Variants in STAT1 observed in about 807,000 individuals in gnomAD.
The protein encoded by STAT1 is signal transducer and activator of transcription 1, also known as signal transducer and activator of transcription 1-alpha/beta.
Under a neutral mutation model 111.7 loss-of-function variants are expected in STAT1, and 24 were observed. The ratio of observed to expected loss-of-function variants is 0.21; its 90% CI spans 0.16 to 0.30. The LOEUF is 0.30. Ranked by LOEUF, STAT1 falls within the 10% of genes least tolerant of loss-of-function variation. STAT1 has a pLI of 1.00. For missense variants in STAT1, 351 were observed against 911.9 expected, an observed-to-expected ratio of 0.38 and a Z score of 7.92; for synonymous variants, 332 against 326.5, an observed-to-expected ratio of 1.02 and a Z score of -0.18.
In STAT1 at chr2:190,997,903, G is replaced by A; in HGVS notation, c.738C>T (p.Ala246=). The A allele has an allele frequency of 6.2e-7, 1 of 1,614,200 alleles. No individual in the cohort carries two copies. The highest frequency in any genetic ancestry group is 8.5e-7 in the Non-Finnish European group (1 of 1,180,038). The part of the protein sequence containing the change: ...LVEWKRRQQS[A]CIGGPPNACL... Reference sequence around the variant, plus strand: ...AAGCATTGGGCGGCCCCCCAATACAGGCGCTCTGCTGTCTCCGCTTCCACT... The same window carrying A: ...AAGCATTGGGCGGCCCCCCAATACAAGCGCTCTGCTGTCTCCGCTTCCACT... The change falls in exon 9 of 25, where the codon GCC becomes GCT. Residue 246 remains alanine, a synonymous_variant. Coordinates refer to ENST00000361099, the MANE Select transcript of STAT1 (RefSeq NM_007315.4). The surrounding 1 kb of genome is among the most constrained non-coding windows in gnomAD (Gnocchi z 7.3).
At position 191,007,421 on chromosome 2, in the gene STAT1, T is replaced by C. The variant is rs973759784; in HGVS notation, c.372+142A>G. 3.0e-6 allele frequency: 2 copies of C among 676,790 alleles called. No homozygotes were observed. The highest frequency in any genetic ancestry group is 5.1e-6 in the Non-Finnish European group (2 of 393,986). 41.9% of individuals were successfully genotyped at this position (676,790 alleles called of 1,614,324 possible). On this transcript the variant is annotated intron_variant, in intron 5 of 24. Coordinates refer to ENST00000361099, the MANE Select transcript of STAT1 (RefSeq NM_007315.4). This position sits in a 1 kb window ranked among gnomAD's most constrained non-coding sequence, Gnocchi z 4.2. ...TCTTAAAGCCTGGTTCTATAAAATC[T>C]CTAAATCTGATTCTCCCACTTCTTG...
chr2:191,008,857 C>G, intron 4 of STAT1, 106 bp downstream of exon 4: 1 of 1,242,192 alleles, frequency 8.1e-7, no homozygotes, highest in South Asian at 1.3e-5. Flanking sequence ...TCTATTACTT[C>G]TCTAAATACC....
intron 4 of STAT1, among the ~76,000 whole-genome samples, chr2:191,008,586 C>T (rs1694881765): frequency 6.6e-6 from 1 of 152,206 alleles, no homozygotes; most frequent in Non-Finnish European, 1.5e-5. Context: ...GGACCTGAAC[C>T]TAACCACTAA....
Position 190,996,236 on chromosome 2 carries a change from A to T in STAT1, c.786-1017T>A, listed in dbSNP as rs1693847043. Among the ~76,000 whole-genome samples the T allele has an allele frequency of 6.6e-6, 1 of 152,246 alleles. No homozygotes were observed. The highest frequency in any genetic ancestry group is 1.5e-5 in the Non-Finnish European group (1 of 68,044). On this transcript the variant is annotated intron_variant, in intron 9 of 24. Coordinates refer to ENST00000361099, the MANE Select transcript of STAT1 (RefSeq NM_007315.4). The surrounding 1 kb of genome is among the most constrained non-coding windows in gnomAD (Gnocchi z 4.5). The stretch of plus-strand genomic sequence containing the variant: ...TGCAGTCAACTGCTAACAGCAACAC[A>T]GGCTGGGGAAACGCTGTTTTATTCA...
At position 190,993,410 on chromosome 2, in the gene STAT1, A is replaced by C. The variant is rs1693550539; in HGVS notation, c.944+1651T>G. ...CTTGATTGTTTTCCCGTCTAACTCT[A>C]TAGTTCTTATTTTGAAATCCATACC... On this transcript the variant is annotated intron_variant, in intron 10 of 24. Transcript: ENST00000361099. The surrounding 1 kb of genome is among the most constrained non-coding windows in gnomAD (Gnocchi z 4.1). 1.4e-6 allele frequency: 2 copies of C among 1,393,010 alleles called. No homozygotes were observed. Among genetic ancestry groups the C allele is most frequent in the East Asian group, 4.8e-5 (2 of 42,044 alleles). 86.3% of individuals were successfully genotyped at this position (1,393,010 alleles called of 1,614,324 possible). A position where few individuals can be genotyped will look rare whatever the true frequency, so the allele number is the denominator to read the frequency against.
At position 190,978,481 on chromosome 2, in the gene STAT1, C is replaced by A. The variant is rs1006333278; in HGVS notation, c.1873+375G>T. The A allele has an allele frequency of 2.1e-5, 7 of 331,200 alleles. No homozygotes were observed. The highest frequency in any genetic ancestry group is 5.1e-5 in the South Asian group (2 of 38,860). The allele number at this position is 331,200 out of a possible 1,614,324, so 20.5% of individuals were successfully genotyped here. A position where few individuals can be genotyped will look rare whatever the true frequency, so the allele number is the denominator to read the frequency against. ...AGTCTTCTCCCGAAGCCTGTCTCAT[C>A]TGCACACTCTACTCTGGGATGACCC... On this transcript the variant is annotated intron_variant, in intron 21 of 24. Transcript: ENST00000361099. This position sits in a 1 kb window ranked among gnomAD's most constrained non-coding sequence, Gnocchi z 6.1.
chr2:190,985,300 C>A (rs1692716846), intron 15 of STAT1, among the ~76,000 whole-genome samples: 1 of 152,216 alleles, frequency 6.6e-6, no homozygotes, highest in South Asian at 2.1e-4. Flanking sequence ...TCTGTGCACC[C>A]TTAGCTAAAT....
rs2125078691 is a variant in STAT1, at chr2:191,000,894, T to A, written c.462+180A>T. The stretch of plus-strand genomic sequence containing the variant: ...CAGTTATAAGAGGCCATTCAAAAAG[T>A]CTATCTGGTCATTGATTTTGCCAAT... On this transcript the variant is annotated intron_variant, in intron 6 of 24. Coordinates refer to ENST00000361099, the MANE Select transcript of STAT1 (RefSeq NM_007315.4). The surrounding 1 kb of genome is among the most constrained non-coding windows in gnomAD (Gnocchi z 4.8). 6.6e-6 allele frequency among the ~76,000 whole-genome samples: 1 copy of A among 152,350 alleles called. No homozygotes were observed. The highest frequency in any genetic ancestry group is 1.9e-4 in the East Asian group (1 of 5,194).
At position 190,977,357 on chromosome 2, in the gene STAT1, A is replaced by G. The variant is rs753809984; in HGVS notation, c.1874-332T>C. On this transcript the variant is annotated intron_variant, in intron 21 of 24. Transcript: ENST00000361099. This position sits in a 1 kb window ranked among gnomAD's most constrained non-coding sequence, Gnocchi z 4.7. The stretch of plus-strand genomic sequence containing the variant: ...CCCATAGGCACATAAATAACTTACT[A>G]CTAAGTGGATCATCTTGGCTTAAGC... Among the ~76,000 whole-genome samples, 1 of 152,244 alleles carries G rather than the reference A, an allele frequency of 6.6e-6. No individual in the cohort carries two copies. The highest frequency in any genetic ancestry group is 2.4e-5 in the African/African-American group (1 of 41,476).
chr2:190,980,732 G>A lies in STAT1; in HGVS notation c.1583-63C>T, dbSNP rs45609138. The A allele has an allele frequency of 8.1e-4, 1,226 of 1,511,744 alleles. 23 individuals carry two copies. The East Asian group carries it at 0.025, about 31-fold the overall frequency. The allele number at this position is 1,511,744 out of a possible 1,614,324, so 93.6% of individuals were successfully genotyped here. A position where few individuals can be genotyped will look rare whatever the true frequency, so the allele number is the denominator to read the frequency against. ...ACTGATTCTAAAGCTTTGGTTGGAC[G>A]GATGGCTCTTGTATTTGCTCTCAAG... On this transcript the variant is annotated intron_variant, in intron 18 of 24. Transcript: ENST00000361099. This position sits in a 1 kb window ranked among gnomAD's most constrained non-coding sequence, Gnocchi z 6.1.
rs764818647 is a variant in STAT1 at position 190,991,330 on chromosome 2, C to T, written c.945-10G>A. The stretch of plus-strand genomic sequence containing the variant: ...TTCCACCACAAACGAGCTGCAAATA[C>T]CCAGCAAAGGATAGATAAGTTAGCA... On this transcript the variant is annotated splice_polypyrimidine_tract_variant and intron_variant, in intron 10 of 24. Transcript: ENST00000361099. The T allele has an allele frequency of 6.1e-5, 99 of 1,613,564 alleles. No individual in the cohort carries two copies. Among genetic ancestry groups the T allele is most frequent in the Non-Finnish European group, 7.6e-5 (90 of 1,179,704 alleles).
Position 190,982,340 on chromosome 2 carries a change from GAATTTCAATTT to G in STAT1, c.1582+32_1582+42del. ...AGAGCAATTAGAGAGATATTTTTAT[GAATTTCAATTT>G]TTATAAACATAACAAGTTAATATGC... is the stretch of plus-strand genomic sequence containing the variant. On this transcript the variant is annotated intron_variant, in intron 18 of 24. Coordinates refer to ENST00000361099, the MANE Select transcript of STAT1 (RefSeq NM_007315.4). The surrounding 1 kb of genome is among the most constrained non-coding windows in gnomAD (Gnocchi z 7.3). 6.2e-7 allele frequency: 1 copy of G among 1,608,650 alleles called. No homozygotes were observed. The highest frequency in any genetic ancestry group is 8.5e-7 in the Non-Finnish European group (1 of 1,175,478).
At position 191,001,098 on chromosome 2, in the gene STAT1, G is replaced by C; in HGVS notation, c.438C>G (p.Val146=). 1 of 1,613,768 alleles carries C rather than the reference G, an allele frequency of 6.2e-7. No homozygotes were observed. Among genetic ancestry groups the C allele is most frequent in the Non-Finnish European group, 8.5e-7 (1 of 1,179,746 alleles). Residue 146 remains valine (V), a synonymous_variant, in exon 6 of 25, where the codon GTC becomes GTG. Transcript: ENST00000361099. ...LDKQKELDSK[V]RNVKDKVMCI... The stretch of plus-strand genomic sequence containing the variant: ...CCATAACCTTGTCCTTCACATTTCT[G>C]ACTTTACTGTCAAGCTCTTTCTGTT...
At chr2:190,972,459 G>A (rs1325473204) in intron 24 of STAT1, among the ~76,000 whole-genome samples, 2 of 152,180 alleles carry the variant, frequency 1.3e-5, no homozygotes. Context: ...GGAGCCTATG[G>A]TCCTGTTGCT....
intron 14 of STAT1, among the ~76,000 whole-genome samples, chr2:190,985,892 A>T (rs1226770132): frequency 6.6e-6 from 1 of 152,074 alleles, no homozygotes; most frequent in Non-Finnish European, 1.5e-5. Context: ...TGGAATCACA[A>T]CCCGCTCCTC....
rs928849237 is a variant in STAT1 at position 190,977,715 on chromosome 2, T to C, written c.1874-690A>G. On this transcript the variant is annotated intron_variant, in intron 21 of 24. Transcript: ENST00000361099. This position sits in a 1 kb window ranked among gnomAD's most constrained non-coding sequence, Gnocchi z 4.7. ...TGCCATCCTAACCCTTCCTGGCTGG[T>C]AGTGTCCTGCTTGACCTTTCCTGGT... Among the ~76,000 whole-genome samples, 11 of 152,098 alleles carry C rather than the reference T, an allele frequency of 7.2e-5. No homozygotes were observed. Among genetic ancestry groups the C allele is most frequent in the African/African-American group, 2.7e-4 (11 of 41,410 alleles).
At chr2:190,972,816 G>GGTGT (rs34975356) in intron 24 of STAT1, among the ~76,000 whole-genome samples, 4,913 of 136,362 alleles carry the variant, frequency 0.036, 139 homozygotes, top group East Asian at 0.089. Flanking sequence ...GTGTATAGAG[G>GGTGT]GTGTGTGTGT....
Position 190,997,162 on chromosome 2 carries a change from C to G in STAT1, c.785+694G>C, listed in dbSNP as rs1693918704. 6.6e-6 allele frequency among the ~76,000 whole-genome samples: 1 copy of G among 152,246 alleles called. No individual in the cohort carries two copies. The highest frequency in any genetic ancestry group is 6.5e-5 in the Admixed American group (1 of 15,288). The stretch of plus-strand genomic sequence containing the variant: ...AGTCTCCCACATGTGTGCCTTTGCA[C>G]ACGCTGTGCTCTGTGCTGGAAAGCA... On this transcript the variant is annotated intron_variant, in intron 9 of 24. Coordinates refer to ENST00000361099, the MANE Select transcript of STAT1 (RefSeq NM_007315.4). This position sits in a 1 kb window ranked among gnomAD's most constrained non-coding sequence, Gnocchi z 7.3.
Position 190,979,438 on chromosome 2 carries a change from G to A in STAT1, c.1727+334C>T, listed in dbSNP as rs532238204. Reference sequence around the variant, plus strand: ...CCTGGCAATAAGTCAAGATAGAAATGATTTACCCAGTTAAAAGGGTTTTTC... The same window carrying A: ...CCTGGCAATAAGTCAAGATAGAAATAATTTACCCAGTTAAAAGGGTTTTTC... On this transcript the variant is annotated intron_variant, in intron 20 of 24. Coordinates refer to ENST00000361099, the MANE Select transcript of STAT1 (RefSeq NM_007315.4). The surrounding 1 kb of genome is among the most constrained non-coding windows in gnomAD (Gnocchi z 5.8). 7.9e-5 allele frequency among the ~76,000 whole-genome samples: 12 copies of A among 152,250 alleles called. No individual in the cohort carries two copies. Among genetic ancestry groups the A allele is most frequent in the African/African-American group, 2.6e-4 (11 of 41,548 alleles).
Sources: gnomAD v4.1 joint callset for allele counts (sites outside exome capture counted in the v4.1 genomes callset) on GRCh38, gnomAD v4.1.1 for gene constraint, Gnocchi (gnomAD v3.1) non-coding constraint, MANE v1.5 for transcripts, NCBI Gene and HGNC (gene_info 2026-07-23, HGNC 2026-07-21) for gene names.